STAT5B: variants seen among roughly 807,000 people sequenced by gnomAD.
STAT5B encodes the protein transcription factor STAT5B.
In STAT5B, 21 loss-of-function variants were observed where a neutral mutation model predicts 107.8. That is an observed-to-expected ratio of 0.19 (90% CI 0.14 to 0.28). The LOEUF (loss-of-function observed/expected upper bound fraction) is 0.28, where lower values mean the gene tolerates loss of function less well. Among genes scored for constraint, STAT5B ranks in the 10% least tolerant of loss-of-function variants. The pLI is 1.00. For missense variants in STAT5B, 565 were observed against 1,008.2 expected, an observed-to-expected ratio of 0.56 and a Z score of 5.95; for synonymous variants, 325 against 401.7, an observed-to-expected ratio of 0.81 and a Z score of 2.28.
chr17:42,235,055 C>G (rs1317929554), intron 1 of STAT5B: 1 of 152,196 alleles, frequency 6.6e-6, no homozygotes, highest in Non-Finnish European at 1.5e-5. Flanking sequence ...TCTCTTGCAT[C>G]TGCATTCATT....
chr17:42,255,240 T>C (rs1375116591), intron 1 of STAT5B, among the ~76,000 whole-genome samples: 1 of 152,216 alleles, frequency 6.6e-6, no homozygotes, highest in Non-Finnish European at 1.5e-5. Context: ...AATCAGGCTG[T>C]AAGAATGAGA....
intron 1 of STAT5B, among the ~76,000 whole-genome samples, chr17:42,253,200 G>C (rs2080514344): frequency 6.6e-6 from 1 of 152,066 alleles, no homozygotes; most frequent in African/African-American, 2.4e-5. Context: ...AGATAATTCA[G>C]TAAACACAGC....
chr17:42,263,947 C>T (rs926547847), intron 1 of STAT5B, among the ~76,000 whole-genome samples: 16 of 151,322 alleles, frequency 1.1e-4, no homozygotes, highest in East Asian at 1.9e-4. Context: ...CTTTTTTCAG[C>T]GCCTGTTCTT....
In STAT5B at chr17:42,276,347, G is replaced by C. The variant is rs1337976976; in HGVS notation, c.-110C>G. 6.8e-6 allele frequency: 1 copy of C among 146,864 alleles called. No individual in the cohort carries two copies. Among genetic ancestry groups the C allele is most frequent in the Non-Finnish European group, 1.5e-5 (1 of 65,958 alleles). 9.1% of individuals were successfully genotyped at this position (146,864 alleles called of 1,614,324 possible). A position where few individuals can be genotyped will look rare whatever the true frequency, so the allele number is the denominator to read the frequency against. ...TCCCTCGGCCGGGCCGCCGCGCGGA[G>C]TTGCCTGCGCTGGGTCCCCGCCCGG... is the stretch of plus-strand genomic sequence containing the variant. On this transcript the variant is annotated 5_prime_UTR_variant, in exon 1 of 19. Transcript: ENST00000293328. The surrounding 1 kb of genome is among the most constrained non-coding windows in gnomAD (Gnocchi z 4.8).
chr17:42,231,875 T>A, intron 2 of STAT5B, 125 bp downstream of exon 2: 1 of 1,448,188 alleles, frequency 6.9e-7, no homozygotes, highest in Non-Finnish European at 9.5e-7. Context: ...AATACCTTTT[T>A]ATGGATCACA....
chr17:42,260,092 A>G (rs1352084431), intron 1 of STAT5B, among the ~76,000 whole-genome samples: 1 of 152,206 alleles, frequency 6.6e-6, no homozygotes, highest in Non-Finnish European at 1.5e-5. Context: ...CTACCTAAGC[A>G]CTTGAAATGT....
At chr17:42,251,379 C>T (rs1598329405) in intron 1 of STAT5B, among the ~76,000 whole-genome samples, 1 of 152,150 alleles carries the variant, frequency 6.6e-6, no homozygotes, top group African/African-American at 2.4e-5. Flanking sequence ...TAAACTTGTT[C>T]GCAAATTCCT....
intron 9 of STAT5B, 30 bp downstream of exon 9, chr17:42,218,121 G>A: frequency 6.2e-7 from 1 of 1,608,582 alleles, no homozygotes; most frequent in South Asian, 1.1e-5. Context: ...GAGACAAGTA[G>A]CAGGGAATGA....
Position 42,229,639 on chromosome 17 carries a change from G to A in STAT5B, c.129-1954C>T, listed in dbSNP as rs140855326. 2.6e-3 allele frequency among the ~76,000 whole-genome samples: 390 copies of A among 151,648 alleles called. 3 individuals carry two copies. Among genetic ancestry groups the A allele is most frequent in the African/African-American group, 8.9e-3 (368 of 41,410 alleles). On this transcript the variant is annotated intron_variant, in intron 2 of 18. Transcript: ENST00000293328. ...TTTAATCCCAGCACTTTGGGAGGCC[G>A]AAATGGGCAGATCACAAGGTCAGGA... is the stretch of plus-strand genomic sequence containing the variant.
chr17:42,275,298 A>C (rs1280139900), intron 1 of STAT5B: 6 of 152,208 alleles, frequency 3.9e-5, no homozygotes, highest in African/African-American at 7.2e-5. Context: ...GGGACCAAGA[A>C]GAAAAGAACT....
Position 42,218,769 on chromosome 17 carries a change from C to T in STAT5B, c.943G>A (p.Glu315Lys), listed in dbSNP as rs1231566032. ...IPGPVEEMLA[E>K]VNATITDIIS... ...ATGTCCGTGATGGTGGCGTTGACCTCGGCCAGCATCTCCTCCACTGGGCCG... is the reference window on the plus strand; with the variant it reads ...ATGTCCGTGATGGTGGCGTTGACCTTGGCCAGCATCTCCTCCACTGGGCCG... Residue 315 changes from glutamate (E) to lysine (K), a missense_variant, in exon 8 of 19, where the codon GAG becomes AAG. Physicochemically the swap from Glu to Lys is moderately conservative, Grantham distance 56 (BLOSUM62 1). Coordinates refer to ENST00000293328, the MANE Select transcript of STAT5B (RefSeq NM_012448.4). 8 of 1,612,638 alleles carry T rather than the reference C, an allele frequency of 5.0e-6. No individual in the cohort carries two copies. The highest frequency in any genetic ancestry group is 2.7e-5 in the African/African-American group (2 of 74,862).
intron 1 of STAT5B, among the ~76,000 whole-genome samples, chr17:42,254,348 C>G (rs1444758073): frequency 6.6e-6 from 1 of 152,190 alleles, no homozygotes; most frequent in African/African-American, 2.4e-5. Context: ...CCACTGCACT[C>G]TGTCTCTTAA....
At chr17:42,262,693 C>T (rs1218368230) in intron 1 of STAT5B, among the ~76,000 whole-genome samples, 1 of 148,144 alleles carries the variant, frequency 6.8e-6, no homozygotes, top group Non-Finnish European at 1.5e-5. Flanking sequence ...ACAAACTCAA[C>T]CATTTTTTTC....
chr17:42,228,794 C>T (rs1417217263), intron 2 of STAT5B, among the ~76,000 whole-genome samples: 2 of 152,028 alleles, frequency 1.3e-5, no homozygotes, highest in African/African-American at 4.8e-5. Context: ...ATTATCCGGG[C>T]GTGGCGGCAT....
chr17:42,215,606 G>A (rs766812140), intron 12 of STAT5B, among the ~76,000 whole-genome samples: 31 of 152,028 alleles, frequency 2.0e-4, no homozygotes, highest in Middle Eastern at 3.4e-3. Flanking sequence ...AGAAAACAGC[G>A]TCTTTTTTCC....
chr17:42,261,292 AAAG>A (rs1378977088), intron 1 of STAT5B, among the ~76,000 whole-genome samples: 1 of 152,212 alleles, frequency 6.6e-6, no homozygotes, highest in Non-Finnish European at 1.5e-5. Flanking sequence ...AAATAACCAA[AAAG>A]AAGAGAATGA....
intron 18 of STAT5B, 178 bp from the exon 19 acceptor site, chr17:42,202,042 T>C (rs1176166584): frequency 3.0e-6 from 2 of 660,264 alleles, no homozygotes; most frequent in Non-Finnish European, 5.3e-6. Flanking sequence ...TGAAATACCC[T>C]CCCCTGTTAC....
chr17:42,227,392 A>T, intron 3 of STAT5B, 137 bp downstream of exon 3: 2 of 1,265,550 alleles, frequency 1.6e-6, no homozygotes, highest in Non-Finnish European at 1.1e-6. Context: ...AAAAAAAAAA[A>T]AGACCAAAAC....
At chr17:42,241,924 G>A (rs2080406924) in intron 1 of STAT5B, among the ~76,000 whole-genome samples, 1 of 151,834 alleles carries the variant, frequency 6.6e-6, no homozygotes, top group Admixed American at 6.6e-5. Flanking sequence ...TATGCAATCA[G>A]GAAGCCAATT....
Sources: gnomAD v4.1 joint callset for allele counts (sites outside exome capture counted in the v4.1 genomes callset) on GRCh38, gnomAD v4.1.1 for gene constraint, Gnocchi (gnomAD v3.1) non-coding constraint, MANE v1.5 for transcripts, NCBI Gene and HGNC (gene_info 2026-07-23, HGNC 2026-07-21) for gene names.